Variants in LRIG3 observed in about 807,000 individuals in gnomAD.
LRIG3 encodes leucine rich repeats and immunoglobulin like domains 3, also known as leucine-rich repeats and immunoglobulin-like domains protein 3.
LRIG3 carries 76 observed loss-of-function variants against 114.5 expected under a neutral mutation model. The ratio of observed to expected loss-of-function variants is 0.66; its 90% confidence interval spans 0.55 to 0.80. The LOEUF (loss-of-function observed/expected upper bound fraction) is 0.80. LRIG3 is among the 30% of genes least tolerant of loss of function. The probability of loss-of-function intolerance (pLI) is 0.00; values close to 1 mark genes in which losing one functional copy is unlikely to be tolerated. For missense variants in LRIG3, 1,239 were observed against 1,382.8 expected (o/e 0.90, Z 1.65); for synonymous variants, 512 against 519.8 (o/e 0.98, Z 0.20).
intron 5 of LRIG3, 116 bp downstream of exon 5, chr12:58,889,880 A>G (rs1248200845): frequency 3.1e-6 from 4 of 1,285,024 alleles, no homozygotes; most frequent in African/African-American, 1.5e-5. Flanking sequence ...TCTCAAAGGA[A>G]AGGCAGCTAC....
rs536425979 is a variant in LRIG3, at chr12:58,872,317, A to G, written c.*255T>C. ...AATACATAAAATAATCATGATTTAT[A>G]TCATTAATTTACGTAAGATACTTTT... On this transcript the variant is annotated 3_prime_UTR_variant, in exon 19 of 19. Transcript: ENST00000320743. 5 of 244,246 alleles carry G rather than the reference A, an allele frequency of 2.0e-5. No individual in the cohort carries two copies. Among genetic ancestry groups the G allele is most frequent in the African/African-American group, 1.1e-4 (5 of 44,900 alleles). 15.1% of individuals were successfully genotyped at this position (244,246 alleles called of 1,614,324 possible). A position where few individuals can be genotyped will look rare whatever the true frequency, so the allele number is the denominator to read the frequency against.
At chr12:58,890,886 G>T in intron 3 of LRIG3, 90 bp from the exon 4 acceptor site, 1 of 1,324,250 alleles carries the variant, frequency 7.6e-7, no homozygotes. Flanking sequence ...TGGTTCTTCA[G>T]AAATATGGAA....
rs755267242 is a variant in LRIG3, at chr12:58,890,149, G to T, written c.516-10C>A. ...GTTGCTGTTGAGATACCTGTTGAAA[G>T]TTTAAAGATGAGCTTCTCCTTCTGA... On this transcript the variant is annotated splice_polypyrimidine_tract_variant and intron_variant, in intron 4 of 18. Coordinates refer to ENST00000320743, the MANE Select transcript of LRIG3 (RefSeq NM_153377.5). 1 of 1,612,170 alleles carries T rather than the reference G, an allele frequency of 6.2e-7. No homozygotes were observed. Among genetic ancestry groups the T allele is most frequent in the Non-Finnish European group, 8.5e-7 (1 of 1,178,694 alleles).
intron 16 of LRIG3, among the ~76,000 whole-genome samples, chr12:58,875,949 G>T (rs1333029847): frequency 6.6e-6 from 1 of 152,268 alleles, no homozygotes; most frequent in African/African-American, 2.4e-5. Context: ...TTACTTGGGA[G>T]GCTGAGGCAG....
At position 58,873,894 on chromosome 12, in the gene LRIG3, T is replaced by G. The variant is rs904871223; in HGVS notation, c.3115+161A>C. On this transcript the variant is annotated intron_variant, in intron 18 of 18. Transcript: ENST00000320743. ...ATCAAGTAAAATCCCACCTCTGACTTTGCTTTTGGAGGCATTTACACTAAC... is the reference window on the plus strand; with the variant it reads ...ATCAAGTAAAATCCCACCTCTGACTGTGCTTTTGGAGGCATTTACACTAAC... The G allele has an allele frequency of 6.4e-6, 5 of 776,648 alleles. No individual in the cohort carries two copies. The African/African-American group carries it at 6.9e-5, about 11-fold the overall frequency. The allele number at this position is 776,648 out of a possible 1,614,324, so 48.1% of individuals were successfully genotyped here. A position where few individuals can be genotyped will look rare whatever the true frequency, so the allele number is the denominator to read the frequency against.
chr12:58,917,603 C>CT (rs978266194), intron 1 of LRIG3, among the ~76,000 whole-genome samples: 78 of 152,306 alleles, frequency 5.1e-4, no homozygotes, highest in African/African-American at 1.8e-3. Context: ...ACTTTTCACA[C>CT]ATGGGACTCC....
chr12:58,872,812 G>A lies in LRIG3; in HGVS notation c.3120C>T (p.Thr1040=), dbSNP rs759783348. 1.2e-6 allele frequency: 2 copies of A among 1,609,652 alleles called. No homozygotes were observed. Among genetic ancestry groups the A allele is most frequent in the East Asian group, 2.2e-5 (1 of 44,800 alleles). Residue 1040 remains threonine, a synonymous_variant, in exon 19 of 19, where the codon ACC becomes ACT. Coordinates refer to ENST00000320743, the MANE Select transcript of LRIG3 (RefSeq NM_153377.5). The part of the protein sequence containing the change: ...SVASSNSFMG[T]FGKALRRPHL... Reference sequence around the variant, plus strand: ...GAGGTCTCCTGAGAGCTTTTCCAAAGGTACCTGAAAGAAAGAAACACCTTG... The same window carrying A: ...GAGGTCTCCTGAGAGCTTTTCCAAAAGTACCTGAAAGAAAGAAACACCTTG...
At chr12:58,883,378 T>A in intron 11 of LRIG3, 142 bp downstream of exon 11, 1 of 570,796 alleles carries the variant, frequency 1.8e-6, no homozygotes, top group Non-Finnish European at 2.8e-6. Context: ...AATAAACTCC[T>A]TTTCTGTTGC....
intron 1 of LRIG3, 80 bp from the exon 2 acceptor site, chr12:58,914,416 A>G (rs1225468362): frequency 1.9e-6 from 2 of 1,068,550 alleles, no homozygotes; most frequent in African/African-American, 1.6e-5. Context: ...AAGTATCTCT[A>G]TGAACACCAG....
rs1480696125 is a variant in LRIG3, at chr12:58,880,858, C to A, written c.1524G>T (p.Gln508His). 1 of 1,614,028 alleles carries A rather than the reference C, an allele frequency of 6.2e-7. No homozygotes were observed. The highest frequency in any genetic ancestry group is 8.5e-7 in the Non-Finnish European group (1 of 1,179,916). ...KPQITVQPET[Q>H]SAIKGSNLSF... The stretch of plus-strand genomic sequence containing the variant: ...TCAAATTGGAACCTTTTATTGCCGA[C>A]TGTGTTTCTGGCTGAACCGTGATCT... The change falls in exon 13 of 19, where the codon CAG (glutamine) becomes CAT (histidine). Residue 508 changes from glutamine (Q) to histidine (H), a missense_variant. Coordinates refer to ENST00000320743, the MANE Select transcript of LRIG3 (RefSeq NM_153377.5).
chr12:58,875,595 T>C (rs1466525125), intron 16 of LRIG3, among the ~76,000 whole-genome samples: 2 of 152,242 alleles, frequency 1.3e-5, no homozygotes, highest in East Asian at 3.8e-4. Context: ...TTCATTTCAT[T>C]TGCACAAGTA....
Position 58,919,342 on chromosome 12 carries a change from C to T in LRIG3, c.236+658G>A, listed in dbSNP as rs1341608772. 4.6e-6 allele frequency: 7 copies of T among 1,532,778 alleles called. No homozygotes were observed. The African/African-American group carries it at 8.3e-5, about 18-fold the overall frequency. The allele number at this position is 1,532,778 out of a possible 1,614,324, so 94.9% of individuals were successfully genotyped here. A position where few individuals can be genotyped will look rare whatever the true frequency, so the allele number is the denominator to read the frequency against. ...GCGTTCTGAGGAGCTACAGAAATCA[C>T]GCCCTTGATTCTGGATAATCGAGTT... is the stretch of plus-strand genomic sequence containing the variant. On this transcript the variant is annotated intron_variant, in intron 1 of 18. Coordinates refer to ENST00000320743, the MANE Select transcript of LRIG3 (RefSeq NM_153377.5).
At chr12:58,890,213 G>T in intron 4 of LRIG3, 74 bp from the exon 5 acceptor site, 1 of 1,501,360 alleles carries the variant, frequency 6.7e-7, no homozygotes, top group Non-Finnish European at 9.1e-7. Flanking sequence ...CTCTGTATTA[G>T]AAGGAGTCTC....
intron 3 of LRIG3, among the ~76,000 whole-genome samples, chr12:58,911,909 C>T (rs552828007): frequency 6.6e-6 from 1 of 152,242 alleles, no homozygotes; most frequent in East Asian, 1.9e-4. Flanking sequence ...TTTTACTCTC[C>T]ACATTGAATT....
chr12:58,916,825 T>C (rs748461704), intron 1 of LRIG3, among the ~76,000 whole-genome samples: 10 of 152,196 alleles, frequency 6.6e-5, no homozygotes, highest in African/African-American at 1.9e-4. Flanking sequence ...TGAATAAATA[T>C]ATATGAAAAT....
chr12:58,882,405 C>T (rs781094115), intron 12 of LRIG3, among the ~76,000 whole-genome samples: 5 of 152,116 alleles, frequency 3.3e-5, no homozygotes, highest in Non-Finnish European at 7.4e-5. Flanking sequence ...ATAATAAATT[C>T]ACATTTCCTA....
intron 3 of LRIG3, among the ~76,000 whole-genome samples, chr12:58,895,948 C>T (rs924606086): frequency 6.6e-6 from 1 of 152,144 alleles, no homozygotes; most frequent in Non-Finnish European, 1.5e-5. Flanking sequence ...GCCACAGGGA[C>T]CCAGTTCAGC....
rs1565614679 is a variant in LRIG3, at chr12:58,880,649, T to C, written c.1733A>G (p.Lys578Arg). The C allele has an allele frequency of 1.2e-6, 2 of 1,614,222 alleles. No individual in the cohort carries two copies. Among genetic ancestry groups the C allele is most frequent in the Admixed American group, 1.7e-5 (1 of 60,026 alleles). The change falls in exon 13 of 19, where the codon AAA becomes AGA. Residue 578 changes from lysine (K) to arginine (R), a missense_variant. Coordinates refer to ENST00000320743, the MANE Select transcript of LRIG3 (RefSeq NM_153377.5). ...LREVEFASEG[K>R]YQCVISNHFG... ...GTGATTGGAGATGACACACTGATATTTCCCCTCACTGGCAAATTCCACCTC... is the reference window on the plus strand; with the variant it reads ...GTGATTGGAGATGACACACTGATATCTCCCCTCACTGGCAAATTCCACCTC...
At chr12:58,887,331 A>G (rs1001810812) in intron 8 of LRIG3, among the ~76,000 whole-genome samples, 2 of 152,172 alleles carry the variant, frequency 1.3e-5, no homozygotes, top group Non-Finnish European at 2.9e-5. Context: ...ACCTTAAATT[A>G]CCATTTGAGA....
Sources: gnomAD v4.1 joint callset for allele counts (sites outside exome capture counted in the v4.1 genomes callset) on GRCh38, gnomAD v4.1.1 for gene constraint, MANE v1.5 for transcripts, NCBI Gene and HGNC (gene_info 2026-07-23, HGNC 2026-07-21) for gene names.